RPP30: variants seen among roughly 807,000 people sequenced by gnomAD.
RPP30 encodes the protein ribonuclease P protein subunit p30.
RPP30 carries 36 observed loss-of-function variants against 38.6 expected under a neutral mutation model. The observed-to-expected ratio is 0.93, with a 90% CI of 0.71 to 1.23. RPP30 has a LOEUF of 1.23. Among genes scored for constraint, RPP30 ranks in the 50% most tolerant of loss-of-function variants. RPP30 has a pLI of 0.00. For synonymous variants in RPP30, 126 were observed against 112.7 expected (o/e 1.12, Z -0.75); for missense variants, 321 against 321.7 (o/e 1.00, Z 0.02).
chr10:90,893,675 C>A (rs1328245252), intron 6 of RPP30, among the ~76,000 whole-genome samples: 1 of 152,280 alleles, frequency 6.6e-6, no homozygotes, highest in East Asian at 1.9e-4. Flanking sequence ...CTTTTGCATG[C>A]TCTGACCTCC....
intron 10 of RPP30, among the ~76,000 whole-genome samples, chr10:90,899,126 A>G (rs1847174670): frequency 6.6e-6 from 1 of 152,202 alleles, no homozygotes; most frequent in Admixed American, 6.5e-5. Context: ...TGATTTTCAT[A>G]ATGTTTATAT....
chr10:90,891,695 A>G (rs548192545), intron 6 of RPP30, among the ~76,000 whole-genome samples: 4 of 152,228 alleles, frequency 2.6e-5, no homozygotes, highest in African/African-American at 7.2e-5. Flanking sequence ...TGTCAGGACA[A>G]CAATGCAGCA....
At chr10:90,903,994 T>G (rs370709141), downstream of RPP30, among the ~76,000 whole-genome samples, 76 of 152,330 alleles carry the variant, frequency 5.0e-4, 4 homozygotes, top group South Asian at 0.016. Flanking sequence ...TTTAACAAAA[T>G]TTAAAATCAA....
At position 90,902,137 on chromosome 10, in the gene RPP30, C is replaced by T. The variant is rs1589503934; in HGVS notation, c.*1458C>T. 1 of 992,824 alleles carries T rather than the reference C, an allele frequency of 1.0e-6. No homozygotes were observed. The highest frequency in any genetic ancestry group is 1.1e-4 in the East Asian group (1 of 8,844). The allele number at this position is 992,824 out of a possible 1,614,324, so 61.5% of individuals were successfully genotyped here. A position where few individuals can be genotyped will look rare whatever the true frequency, so the allele number is the denominator to read the frequency against. On this transcript the variant is annotated 3_prime_UTR_variant, in exon 11 of 11. Coordinates refer to ENST00000371703, the MANE Select transcript of RPP30 (RefSeq NM_006413.5). ...TTAAAAAGAGAAAGCTTTATAACCT[C>T]ACCAATGAATACAAATGTTTAAATA...
In RPP30 at chr10:90,908,408, G is replaced by A. The variant is rs371932291; in HGVS notation, n.479G>A. 8 of 152,180 alleles carry A rather than the reference G, an allele frequency of 5.3e-5. No homozygotes were observed. In the East Asian group the frequency reaches 5.8e-4, roughly 11 times the overall value. 9.4% of individuals were successfully genotyped at this position (152,180 alleles called of 1,614,324 possible). ...CAATTTATTGTGCTTTGCAAATACT[G>A]AATTTTTTACAAGTTGAAGATTTGT... On this transcript the variant is annotated non_coding_transcript_exon_variant, in exon 5 of 5. Transcript: ENST00000470933.
chr10:90,895,322 A>G (rs1847127657), intron 7 of RPP30, 132 bp from the exon 8 acceptor site: 3 of 571,552 alleles, frequency 5.2e-6, no homozygotes, highest in Non-Finnish European at 9.0e-6. Context: ...CACCTTAATT[A>G]TTTACCTTAT....
intron 5 of RPP30, among the ~76,000 whole-genome samples, chr10:90,879,723 C>G (rs1846898499): frequency 6.6e-6 from 1 of 152,124 alleles, no homozygotes; most frequent in Non-Finnish European, 1.5e-5. Context: ...CATTTCATTG[C>G]CTTTGCAGAA....
rs1274903221 is a variant in RPP30, at chr10:90,901,411, A to T, written c.*732A>T. 1.0e-6 allele frequency: 1 copy of T among 984,774 alleles called. No homozygotes were observed. The allele number at this position is 984,774 out of a possible 1,614,324, so 61.0% of individuals were successfully genotyped here. A position where few individuals can be genotyped will look rare whatever the true frequency, so the allele number is the denominator to read the frequency against. On this transcript the variant is annotated 3_prime_UTR_variant, in exon 11 of 11. Coordinates refer to ENST00000371703, the MANE Select transcript of RPP30 (RefSeq NM_006413.5). The stretch of plus-strand genomic sequence containing the variant: ...GTTCCTCTTGTTTTAAGCTTCTTTC[A>T]TGTATTCAAATCAGCATTTTTTTCT...
intron 1 of RPP30, among the ~76,000 whole-genome samples, chr10:90,873,137 T>C (rs1846804738): frequency 1.3e-5 from 2 of 152,218 alleles, no homozygotes; most frequent in South Asian, 4.1e-4. Flanking sequence ...TCCTTTTATT[T>C]ACTGTGCTTA....
rs1482375463 is a variant in RPP30, at chr10:90,901,432, T to C, written c.*753T>C. 1 of 984,980 alleles carries C rather than the reference T, an allele frequency of 1.0e-6. No homozygotes were observed. The highest frequency in any genetic ancestry group is 1.2e-6 in the Non-Finnish European group (1 of 829,622). The allele number at this position is 984,980 out of a possible 1,614,324, so 61.0% of individuals were successfully genotyped here. A position where few individuals can be genotyped will look rare whatever the true frequency, so the allele number is the denominator to read the frequency against. On this transcript the variant is annotated 3_prime_UTR_variant, in exon 11 of 11. Coordinates refer to ENST00000371703, the MANE Select transcript of RPP30 (RefSeq NM_006413.5). ...TTTCATGTATTCAAATCAGCATTTT[T>C]TTCTAAGAAATTGCTATAGAATTTG...
At chr10:90,892,722 G>A (rs574782939) in intron 6 of RPP30, among the ~76,000 whole-genome samples, 4 of 152,314 alleles carry the variant, frequency 2.6e-5, no homozygotes, top group Admixed American at 6.5e-5. Flanking sequence ...CTAATTAGTA[G>A]TTTTGGTAAA....
At chr10:90,907,467 A>G (rs1237087839), downstream of RPP30, among the ~76,000 whole-genome samples, 1 of 152,214 alleles carries the variant, frequency 6.6e-6, no homozygotes, top group Non-Finnish European at 1.5e-5. Flanking sequence ...TCACAACTCT[A>G]TATGTGTCTA....
At chr10:90,877,582 C>G (rs1470764345) in intron 4 of RPP30, among the ~76,000 whole-genome samples, 2 of 150,932 alleles carry the variant, frequency 1.3e-5, no homozygotes, top group East Asian at 3.9e-4. Context: ...AATGAAAGGT[C>G]AGCAGGGTCA....
intron 5 of RPP30, among the ~76,000 whole-genome samples, chr10:90,883,467 G>C (rs935946075): frequency 2.0e-5 from 3 of 151,998 alleles, no homozygotes; most frequent in Admixed American, 6.6e-5. Flanking sequence ...TTTATTTTGT[G>C]GTTATCTAAA....
intron 5 of RPP30, among the ~76,000 whole-genome samples, chr10:90,883,251 G>A (rs966805325): frequency 2.2e-5 from 3 of 139,192 alleles, no homozygotes; most frequent in Non-Finnish European, 4.6e-5. Flanking sequence ...ATTTTTATGG[G>A]AATACGTTTT....
At chr10:90,904,347 A>G (rs1847231556), downstream of RPP30, among the ~76,000 whole-genome samples, 1 of 152,136 alleles carries the variant, frequency 6.6e-6, no homozygotes, top group South Asian at 2.1e-4. Flanking sequence ...AAGAAAAACT[A>G]AATGCATTTA....
At chr10:90,877,620 C>CA (rs763564852) in intron 4 of RPP30, among the ~76,000 whole-genome samples, 77 of 134,554 alleles carry the variant, frequency 5.7e-4, no homozygotes, top group South Asian at 1.4e-3. Flanking sequence ...AGCAGACAGG[C>CA]AAAAAAAAAA....
At chr10:90,888,864 T>TA (rs1014010571) in intron 6 of RPP30, among the ~76,000 whole-genome samples, 1 of 152,110 alleles carries the variant, frequency 6.6e-6, no homozygotes, top group Non-Finnish European at 1.5e-5. Context: ...GTGTCTGCTT[T>TA]AAAAAAAATC....
At chr10:90,879,024 T>G in intron 4 of RPP30, 39 bp from the exon 5 acceptor site, 2 of 1,537,472 alleles carry the variant, frequency 1.3e-6, no homozygotes. Flanking sequence ...TGTGTATGGA[T>G]TTTGTTATTG....
Sources: gnomAD v4.1 joint callset for allele counts (sites outside exome capture counted in the v4.1 genomes callset) on GRCh38, gnomAD v4.1.1 for gene constraint, MANE v1.5 for transcripts, NCBI Gene and HGNC (gene_info 2026-07-23, HGNC 2026-07-21) for gene names.